Variants in RNASEL observed in about 807,000 individuals in gnomAD.
RNASEL encodes the protein ribonuclease L, also known as 2-5A-dependent ribonuclease.
Under a neutral mutation model 50.9 loss-of-function variants are expected in RNASEL, and 36 were observed. That is an observed-to-expected ratio of 0.71 (90% CI 0.54 to 0.93). RNASEL has a LOEUF of 0.93. RNASEL is among the 40% of genes least tolerant of loss of function. RNASEL has a pLI of 0.00. For missense variants in RNASEL, 860 were observed against 894.5 expected (o/e 0.96, Z 0.49); for synonymous variants, 335 against 335.6 (o/e 1.00, Z 0.02).
chr1:182,585,762 C>A lies in RNASEL; in HGVS notation c.1045G>T (p.Asp349Tyr), dbSNP rs1416557976. 6.2e-7 allele frequency: 1 copy of A among 1,613,948 alleles called. No homozygotes were observed. The highest frequency in any genetic ancestry group is 2.2e-5 in the East Asian group (1 of 44,886). The change falls in exon 2 of 7, where the codon GAT becomes TAT. Residue 349 changes from aspartate to tyrosine, a missense_variant. By Grantham distance (160) the Asp-to-Tyr change is radical. Transcript: ENST00000367559. ...QSSHWGAALKDLHRIYRPMIG... is the reference protein window; with the variant it reads ...QSSHWGAALKYLHRIYRPMIG... Reference sequence around the variant, plus strand: ...ATAGGGCGGTATATTCTGTGGAGATCCTTCAGGGCTGCCCCCCAGTGTGAG... The same window carrying A: ...ATAGGGCGGTATATTCTGTGGAGATACTTCAGGGCTGCCCCCCAGTGTGAG...
rs147141911 is a variant in RNASEL, at chr1:182,585,628, C to T, written c.1179G>A (p.Thr393=). The part of the protein sequence containing the change: ...FYEKQEVAVK[T]FCEGSPRAQR... Reference sequence around the variant, plus strand: ...GTGCACGTGGGCTGCCCTCACAGAACGTCTTCACAGCTACTTCTTGCTTCT... The same window carrying T: ...GTGCACGTGGGCTGCCCTCACAGAATGTCTTCACAGCTACTTCTTGCTTCT... The change falls in exon 2 of 7, where the codon ACG becomes ACA. Residue 393 remains threonine (T), a synonymous_variant. Coordinates refer to ENST00000367559, the MANE Select transcript of RNASEL (RefSeq NM_021133.4). 8,675 of 1,614,176 alleles carry T rather than the reference C, an allele frequency of 5.4e-3. 23 individuals carry two copies. Among genetic ancestry groups the T allele is most frequent in the Non-Finnish European group, 6.1e-3 (7,195 of 1,180,034 alleles).
At chr1:182,588,456 C>T (rs1004550914) in intron 1 of RNASEL, among the ~76,000 whole-genome samples, 2 of 152,204 alleles carry the variant, frequency 1.3e-5, no homozygotes, top group Non-Finnish European at 2.9e-5. Flanking sequence ...TCTCCCTACA[C>T]ATGTGCATAT....
intron 3 of RNASEL, among the ~76,000 whole-genome samples, chr1:182,583,181 G>A (rs1273743383): frequency 1.3e-5 from 2 of 152,190 alleles, no homozygotes; most frequent in African/African-American, 4.8e-5. Flanking sequence ...CTCTCCTGGA[G>A]AGAAGATGTG....
intron 5 of RNASEL, among the ~76,000 whole-genome samples, chr1:182,577,218 T>G (rs923212645): frequency 1.8e-4 from 27 of 152,092 alleles, no homozygotes; most frequent in African/African-American, 6.5e-4. Flanking sequence ...AAACTATATA[T>G]ATAATTGTGT....
chr1:182,585,994 A>G lies in RNASEL; in HGVS notation c.813T>C (p.Ser271=), dbSNP rs764748115. Residue 271 remains serine (S), a synonymous_variant, in exon 2 of 7, where the codon AGT becomes AGC. Coordinates refer to ENST00000367559, the MANE Select transcript of RNASEL (RefSeq NM_021133.4). The part of the protein sequence containing the change: ...QEHIEINDTD[S]DGKTALLLAV... Reference sequence around the variant, plus strand: ...CAAGCAGCAGTGCTGTTTTGCCATCACTGTCTGTGTCATTAATCTCTATGT... The same window carrying G: ...CAAGCAGCAGTGCTGTTTTGCCATCGCTGTCTGTGTCATTAATCTCTATGT... 7.4e-6 allele frequency: 12 copies of G among 1,614,008 alleles called. No homozygotes were observed. The highest frequency in any genetic ancestry group is 9.3e-6 in the Non-Finnish European group (11 of 1,180,006).
rs746334385 is a variant in RNASEL, at chr1:182,586,810, G to T, written c.-4C>A. ...TGTTATGATCCCTGCTCTCCATGAC[G>T]GTAAATGCCACCTGCTACCACTTTT... On this transcript the variant is annotated 5_prime_UTR_variant, in exon 2 of 7. Coordinates refer to ENST00000367559, the MANE Select transcript of RNASEL (RefSeq NM_021133.4). The T allele has an allele frequency of 1.2e-6, 2 of 1,614,028 alleles. No individual in the cohort carries two copies. The highest frequency in any genetic ancestry group is 2.2e-5 in the East Asian group (1 of 44,884).
At chr1:182,584,808 T>C (rs563604507) in intron 2 of RNASEL, among the ~76,000 whole-genome samples, 70 of 152,292 alleles carry the variant, frequency 4.6e-4, no homozygotes, top group Non-Finnish European at 7.5e-4. Context: ...TCCTGGGACT[T>C]TACGGTCAGC....
At chr1:182,587,026 C>CATCA (rs1440187662) in intron 1 of RNASEL, 56 bp from the exon 2 acceptor site, 1 of 481,316 alleles carries the variant, frequency 2.1e-6, no homozygotes, top group African/African-American at 1.9e-5. Flanking sequence ...ACACTTGAAT[C>CATCA]AGAGAAATTA....
intron 1 of RNASEL, among the ~76,000 whole-genome samples, chr1:182,588,621 CT>C (rs1312452454): frequency 6.6e-6 from 1 of 152,184 alleles, no homozygotes; most frequent in African/African-American, 2.4e-5. Flanking sequence ...CGAAGCAACC[CT>C]TTTTCAGCAA....
rs6661378 is a variant in RNASEL, at chr1:182,579,693, C to T, written c.1905+1532G>A. 204 of 1,149,974 alleles carry T rather than the reference C, an allele frequency of 1.8e-4. No individual in the cohort carries two copies. In the African/African-American group the frequency reaches 3.2e-3, roughly 18 times the overall value. 71.2% of individuals were successfully genotyped at this position (1,149,974 alleles called of 1,614,324 possible). A position where few individuals can be genotyped will look rare whatever the true frequency, so the allele number is the denominator to read the frequency against. ...AAAACTTGAAGTTAAAACCTGAAGA[C>T]TATCAAAATTCAATATAAGCCCATG... On this transcript the variant is annotated intron_variant, in intron 5 of 6. Transcript: ENST00000367559.
rs1427203520 is a variant in RNASEL, at chr1:182,586,109, T to C, written c.698A>G (p.Asn233Ser). 1 of 1,614,188 alleles carries C rather than the reference T, an allele frequency of 6.2e-7. No individual in the cohort carries two copies. Among genetic ancestry groups the C allele is most frequent in the South Asian group, 1.1e-5 (1 of 91,088 alleles). ...AGTCTTCCCTCTTTCTCCCCTCACATTGACATCAGCCCCATGGTCCAGCAG... is the reference window on the plus strand; with the variant it reads ...AGTCTTCCCTCTTTCTCCCCTCACACTGACATCAGCCCCATGGTCCAGCAG... ...HLLLDHGADVNVRGERGKTPL... is the reference protein window; with the variant it reads ...HLLLDHGADVSVRGERGKTPL... The change falls in exon 2 of 7, where the codon AAT (asparagine) becomes AGT (serine). Residue 233 changes from asparagine (N) to serine (S), a missense_variant. By Grantham distance (46) the Asn-to-Ser change is conservative. Coordinates refer to ENST00000367559, the MANE Select transcript of RNASEL (RefSeq NM_021133.4).
Position 182,586,708 on chromosome 1 carries a change from A to G in RNASEL, c.99T>C (p.Val33=). The change falls in exon 2 of 7, where the codon GTT becomes GTC. Residue 33 remains valine, a synonymous_variant. Coordinates refer to ENST00000367559, the MANE Select transcript of RNASEL (RefSeq NM_021133.4). ...GGACCAGGTCAACATCTTCGTTTTG[A>G]ACAGCTTTAATCAGCAAGTGATTGT... is the stretch of plus-strand genomic sequence containing the variant. ...VEDNHLLIKA[V]QNEDVDLVQQ... The G allele has an allele frequency of 6.2e-7, 1 of 1,614,260 alleles. No homozygotes were observed. The highest frequency in any genetic ancestry group is 8.5e-7 in the Non-Finnish European group (1 of 1,180,050).
Position 182,586,623 on chromosome 1 carries a change from G to A in RNASEL, c.184C>T (p.Pro62Ser), listed in dbSNP as rs114166108. Reference sequence around the variant, plus strand: ...CTCATTTGTACTGCGTTATGCAGAGGTGTCCAGCCCCCTTCCTCTTCCTGG... The same window carrying A: ...CTCATTTGTACTGCGTTATGCAGAGATGTCCAGCCCCCTTCCTCTTCCTGG... ...NFQEEEGGWT[P>S]LHNAVQMSRE... Residue 62 changes from proline (P) to serine (S), a missense_variant, in exon 2 of 7, where the codon CCT (proline) becomes TCT (serine). By Grantham distance (74) the Pro-to-Ser change is moderately conservative. Transcript: ENST00000367559. The A allele has an allele frequency of 2.1e-4, 336 of 1,612,814 alleles. No individual in the cohort carries two copies. Among genetic ancestry groups the A allele is most frequent in the Non-Finnish European group, 2.6e-4 (309 of 1,178,952 alleles).
At chr1:182,578,232 T>C (rs1474976570) in intron 5 of RNASEL, 1 of 152,102 alleles carries the variant, frequency 6.6e-6, no homozygotes, top group Non-Finnish European at 1.5e-5. Context: ...AAACTATGCA[T>C]CCAACAGAGG....
intron 5 of RNASEL, chr1:182,579,086 G>T: frequency 4.5e-6 from 1 of 220,150 alleles, no homozygotes; most frequent in Non-Finnish European, 7.7e-6. Flanking sequence ...AGGTGGGAGG[G>T]TTGGAGGGAG....
At chr1:182,577,940 G>A (rs1361622662) in intron 5 of RNASEL, among the ~76,000 whole-genome samples, 1 of 152,124 alleles carries the variant, frequency 6.6e-6, no homozygotes, top group Non-Finnish European at 1.5e-5. Flanking sequence ...ATATGTAGAA[G>A]ATTAAAACTA....
Position 182,574,088 on chromosome 1 carries a change from T to C in RNASEL, c.*1304A>G, listed in dbSNP as rs1288388265. 4.7e-6 allele frequency: 1 copy of C among 210,924 alleles called. No individual in the cohort carries two copies. The highest frequency in any genetic ancestry group is 2.3e-5 in the African/African-American group (1 of 44,164). 13.1% of individuals were successfully genotyped at this position (210,924 alleles called of 1,614,324 possible). On this transcript the variant is annotated 3_prime_UTR_variant, in exon 7 of 7. Transcript: ENST00000367559. ...GGATTGTTTTGAAAATTAAATAAAA[T>C]AAAATACTCAGATGTAATGTATACA...
intron 5 of RNASEL, chr1:182,579,757 G>T: frequency 9.4e-6 from 11 of 1,167,362 alleles, no homozygotes; most frequent in Non-Finnish European, 1.2e-5. Flanking sequence ...GGAAATAAAA[G>T]AACAAGTTCC....
chr1:182,585,493 C>T lies in RNASEL; in HGVS notation c.1314G>A (p.Glu438=), dbSNP rs2102370036. The change falls in exon 2 of 7, where the codon GAG becomes GAA. Residue 438 remains glutamate (E), a synonymous_variant. Coordinates refer to ENST00000367559, the MANE Select transcript of RNASEL (RefSeq NM_021133.4). The part of the protein sequence containing the change: ...GHLFVCVTLC[E]QTLEACLDVH... ...CATCCAAACACGCTTCCAGAGTCTG[C>T]TCACAGAGGGTGACACACACAAACA... is the stretch of plus-strand genomic sequence containing the variant. 1 of 1,614,180 alleles carries T rather than the reference C, an allele frequency of 6.2e-7. No homozygotes were observed. Among genetic ancestry groups the T allele is most frequent in the Non-Finnish European group, 8.5e-7 (1 of 1,180,038 alleles).
Sources: gnomAD v4.1 joint callset for allele counts (sites outside exome capture counted in the v4.1 genomes callset) on GRCh38, gnomAD v4.1.1 for gene constraint, MANE v1.5 for transcripts, NCBI Gene and HGNC (gene_info 2026-07-23, HGNC 2026-07-21) for gene names.